MCM6: variants seen among roughly 807,000 people sequenced by gnomAD.
MCM6 encodes minichromosome maintenance complex component 6.
Under a neutral mutation model 94.3 loss-of-function variants are expected in MCM6, and 46 were observed. That is an observed-to-expected ratio of 0.49 (90% confidence interval 0.39 to 0.62). The LOEUF (loss-of-function observed/expected upper bound fraction) is 0.62. Among genes scored for constraint, MCM6 ranks in the 20% least tolerant of loss-of-function variants. The pLI is 0.00. For missense variants in MCM6, 865 were observed against 1,017.9 expected (o/e 0.85, Z 2.04); for synonymous variants, 335 against 351.9 (o/e 0.95, Z 0.54).
chr2:135,872,776 TTC>T lies in MCM6; in HGVS notation c.173_174del (p.Arg58LysfsTer14). The T allele has an allele frequency of 6.2e-7, 1 of 1,614,188 alleles. No individual in the cohort carries two copies. The highest frequency in any genetic ancestry group is 8.5e-7 in the Non-Finnish European group (1 of 1,180,044). ...TCCACAAAACTCACAACCAATGTGT[TTC>T]TCTCAGGACGAATCAGTTCCTCTGC... The part of the protein sequence containing the change: ...QLAEELIRPE[R>X]NTLVVSFVDL... On this transcript the variant is annotated frameshift_variant, in exon 2 of 17. Coordinates refer to ENST00000264156, the MANE Select transcript of MCM6 (RefSeq NM_005915.6). LOFTEE classifies it high-confidence loss of function.
chr2:135,864,723 C>G (rs1015458883), intron 7 of MCM6, among the ~76,000 whole-genome samples: 4 of 152,170 alleles, frequency 2.6e-5, no homozygotes, highest in Non-Finnish European at 5.9e-5. Context: ...ACCACTATCC[C>G]TTTCCAGAAC....
intron 16 of MCM6, 96 bp from the exon 17 acceptor site, chr2:135,841,047 A>G (rs1172860411): frequency 3.4e-6 from 3 of 872,238 alleles, no homozygotes; most frequent in Non-Finnish European, 5.5e-6. Flanking sequence ...GTTTGCTATC[A>G]ACATTTTCTT....
At chr2:135,863,571 A>T (rs550213956) in intron 7 of MCM6, among the ~76,000 whole-genome samples, 72 of 151,706 alleles carry the variant, frequency 4.7e-4, no homozygotes, top group African/African-American at 1.5e-3. Flanking sequence ...AAAAAAAAAA[A>T]TTTTTTTTAA....
Position 135,854,124 on chromosome 2 carries a change from G to A in MCM6, c.1627-1209C>T, listed in dbSNP as rs547317020. 3.3e-5 allele frequency among the ~76,000 whole-genome samples: 5 copies of A among 152,330 alleles called. No homozygotes were observed. In the East Asian group the frequency reaches 7.7e-4, roughly 23 times the overall value. On this transcript the variant is annotated intron_variant, in intron 11 of 16. Coordinates refer to ENST00000264156, the MANE Select transcript of MCM6 (RefSeq NM_005915.6). The stretch of plus-strand genomic sequence containing the variant: ...CACCTGTAGTTCCAGCTGCTCAGGA[G>A]GCTGAGGTGGGAGGCTGGCTTGAGC...
chr2:135,842,255 T>G (rs1679586935), intron 16 of MCM6, among the ~76,000 whole-genome samples: 1 of 152,060 alleles, frequency 6.6e-6, no homozygotes, highest in Admixed American at 6.5e-5. Flanking sequence ...GTCCCACCAC[T>G]AGAAAAGCAA....
rs939379676 is a variant in MCM6, at chr2:135,875,364, C to CA, written c.107+894dup. ...GGGCAACAAGGGCTAAATTACGCCT[C>CA]AAAAAAAAAAAAGTTTGGAGATGGG... On this transcript the variant is annotated intron_variant, in intron 1 of 16. Transcript: ENST00000264156. 5.5e-3 allele frequency among the ~76,000 whole-genome samples: 763 copies of CA among 139,218 alleles called. 6 individuals carry two copies. Among genetic ancestry groups the CA allele is most frequent in the African/African-American group, 0.017 (652 of 37,902 alleles). The allele number at this position is 139,218 out of a possible 152,430, so 91.3% of individuals were successfully genotyped here. A position where few individuals can be genotyped will look rare whatever the true frequency, so the allele number is the denominator to read the frequency against.
At chr2:135,857,214 CAATTG>C (rs1679907682) in intron 10 of MCM6, among the ~76,000 whole-genome samples, 1 of 152,114 alleles carries the variant, frequency 6.6e-6, no homozygotes, top group Non-Finnish European at 1.5e-5. Context: ...GTGGTATACA[CAATTG>C]AATATGGGAA....
intron 4 of MCM6, among the ~76,000 whole-genome samples, chr2:135,867,006 A>T (rs895398959): frequency 3.3e-5 from 5 of 152,088 alleles, no homozygotes; most frequent in African/African-American, 1.2e-4. Flanking sequence ...TTAAAAAATA[A>T]TTTTTTTCTT....
intron 1 of MCM6, 21 bp downstream of exon 1, chr2:135,876,238 C>A: frequency 6.4e-7 from 1 of 1,573,880 alleles, no homozygotes; most frequent in East Asian, 2.4e-5. Flanking sequence ...CGGGCGAGGC[C>A]CGGGGCGCTC....
Position 135,848,174 on chromosome 2 carries a change from A to G in MCM6, c.1932T>C (p.His644=), listed in dbSNP as rs1679706118. ...TCAGTAACCGGAAAGCTTCCTTCAC[A>G]TGTTTAGGTTGGACCTAAACCAATA... is the stretch of plus-strand genomic sequence containing the variant. The part of the protein sequence containing the change: ...MHCCDEVQPK[H]VKEAFRLLNK... The change falls in exon 14 of 17, where the codon CAT becomes CAC. Residue 644 remains histidine (H), a synonymous_variant. Transcript: ENST00000264156. 1.2e-6 allele frequency: 2 copies of G among 1,611,744 alleles called. No individual in the cohort carries two copies. Among genetic ancestry groups the G allele is most frequent in the Non-Finnish European group, 1.7e-6 (2 of 1,178,114 alleles).
At position 135,866,634 on chromosome 2, in the gene MCM6, T is replaced by G; in HGVS notation, c.710A>C (p.Gln237Pro). ...ILRAEAVESA[Q>P]AGDKCDFTGT... The stretch of plus-strand genomic sequence containing the variant: ...TGTAAAGTCACACTTGTCACCAGCT[T>G]GAGCTGATTCCACAGCTTCAGCCCT... The change falls in exon 5 of 17, where the codon CAA becomes CCA. Residue 237 changes from glutamine (Q) to proline (P), a missense_variant. Coordinates refer to ENST00000264156, the MANE Select transcript of MCM6 (RefSeq NM_005915.6). The G allele has an allele frequency of 1.9e-6, 3 of 1,614,200 alleles. No individual in the cohort carries two copies. The highest frequency in any genetic ancestry group is 2.5e-6 in the Non-Finnish European group (3 of 1,180,010).
intron 10 of MCM6, among the ~76,000 whole-genome samples, chr2:135,857,219 G>A (rs1304416391): frequency 1.1e-4 from 17 of 152,168 alleles, no homozygotes; most frequent in Admixed American, 1.1e-3. Flanking sequence ...ATACACAATT[G>A]AATATGGGAA....
At chr2:135,854,690 T>A (rs994194955) in intron 11 of MCM6, among the ~76,000 whole-genome samples, 1 of 151,444 alleles carries the variant, frequency 6.6e-6, no homozygotes, top group Non-Finnish European at 1.5e-5. Context: ...CTGGGCAACA[T>A]GGCAAAATCC....
chr2:135,862,760 AG>A lies in MCM6; in HGVS notation c.1079-13del. ...TACTTCATCATTGCCTGAAATGAAA[AG>A]AAGCTACAGATGAAAAACTAATTTT... On this transcript the variant is annotated splice_polypyrimidine_tract_variant and intron_variant, in intron 7 of 16. Transcript: ENST00000264156. The A allele has an allele frequency of 6.2e-7, 1 of 1,612,074 alleles. No homozygotes were observed. Among genetic ancestry groups the A allele is most frequent in the Non-Finnish European group, 8.5e-7 (1 of 1,179,164 alleles).
rs1478683939 is a variant in MCM6, at chr2:135,840,482, A to G, written c.*353T>C. ...TTTTATTTTGATGAATAAAAGCAGT[A>G]GCTGGCAATTGAAAAAAAGTTATTT... On this transcript the variant is annotated 3_prime_UTR_variant, in exon 17 of 17. Coordinates refer to ENST00000264156, the MANE Select transcript of MCM6 (RefSeq NM_005915.6). The G allele has an allele frequency of 6.1e-6, 1 of 164,628 alleles. No homozygotes were observed. Among genetic ancestry groups the G allele is most frequent in the Non-Finnish European group, 1.3e-5 (1 of 76,392 alleles). 10.2% of individuals were successfully genotyped at this position (164,628 alleles called of 1,614,324 possible).
At chr2:135,864,935 C>A in intron 7 of MCM6, 78 bp downstream of exon 7, 1 of 1,154,564 alleles carries the variant, frequency 8.7e-7, no homozygotes, top group Non-Finnish European at 1.2e-6. Context: ...GATTTATGTG[C>A]TTTCAGAAAT....
At position 135,852,856 on chromosome 2, in the gene MCM6, T is replaced by G; in HGVS notation, c.1686A>C (p.Ser562=). 6.2e-7 allele frequency: 1 copy of G among 1,611,354 alleles called. No homozygotes were observed. The highest frequency in any genetic ancestry group is 1.3e-5 in the African/African-American group (1 of 74,872). Residue 562 remains serine (S), a synonymous_variant, in exon 12 of 17, where the codon TCA becomes TCC. Coordinates refer to ENST00000264156, the MANE Select transcript of MCM6 (RefSeq NM_005915.6). ...CATCGAGGGAATAGACACGATCAATTGATTCCTCAATTCTTGAATGCAAAT... is the reference window on the plus strand; with the variant it reads ...CATCGAGGGAATAGACACGATCAATGGATTCCTCAATTCTTGAATGCAAAT... The part of the protein sequence containing the change: ...IVDLHSRIEE[S]IDRVYSLDDI...
At chr2:135,865,336 A>C (rs1038377357) in intron 6 of MCM6, among the ~76,000 whole-genome samples, 173 bp from the exon 7 acceptor site, 3 of 152,240 alleles carry the variant, frequency 2.0e-5, no homozygotes, top group Non-Finnish European at 4.4e-5. Flanking sequence ...CTCAGTTAAC[A>C]AAGACACTTA....
chr2:135,846,190 G>A, intron 15 of MCM6, 47 bp downstream of exon 15: 1 of 1,597,360 alleles, frequency 6.3e-7, no homozygotes, highest in South Asian at 1.1e-5. Context: ...TGTGAACAGA[G>A]CTTACAGAAG....
Sources: gnomAD v4.1 joint callset for allele counts (sites outside exome capture counted in the v4.1 genomes callset) on GRCh38, gnomAD v4.1.1 for gene constraint, MANE v1.5 for transcripts, NCBI Gene and HGNC (gene_info 2026-07-23, HGNC 2026-07-21) for gene names.